Variants in MGARP observed in about 807,000 individuals in gnomAD.
MGARP encodes mitochondria localized glutamic acid rich protein.
MGARP carries 12 observed loss-of-function variants against 11.0 expected under a neutral mutation model. The observed-to-expected ratio is 1.09, with a 90% confidence interval of 0.70 to 1.77. MGARP has a LOEUF of 1.77. MGARP is among the 40% of genes most tolerant of loss of function. MGARP has a pLI of 0.00. For synonymous variants in MGARP, 110 were observed against 115.4 expected (o/e 0.95, Z 0.30); for missense variants, 283 against 297.8 (o/e 0.95, Z 0.36).
intron 2 of MGARP, among the ~76,000 whole-genome samples, chr4:139,270,205 CAGG>C (rs1744756914): frequency 6.7e-6 from 1 of 149,104 alleles, no homozygotes; most frequent in South Asian, 2.1e-4. Flanking sequence ...GAGGCTGAGG[CAGG>C]AGAATCACTT....
At chr4:139,273,543 C>G (rs1744821083) in intron 2 of MGARP, among the ~76,000 whole-genome samples, 1 of 130,186 alleles carries the variant, frequency 7.7e-6, no homozygotes, top group Non-Finnish European at 1.6e-5. Flanking sequence ...GAGACAGAGT[C>G]TGGCTCTCTC....
At chr4:139,268,618 G>A in intron 3 of MGARP, 54 bp downstream of exon 3, 1 of 1,281,002 alleles carries the variant, frequency 7.8e-7, no homozygotes, top group South Asian at 1.4e-5. Context: ...TAAGTGGATG[G>A]AAATTAGTGC....
chr4:139,280,123 C>T lies in MGARP; in HGVS notation c.36G>A (p.Ala12=). The T allele has an allele frequency of 1.2e-6, 2 of 1,611,868 alleles. No homozygotes were observed. Among genetic ancestry groups the T allele is most frequent in the Non-Finnish European group, 1.7e-6 (2 of 1,179,708 alleles). The part of the protein sequence containing the change: ...YLRRAVSKTL[A]LPLRAPPNPA... ...GGTTGGGGGGCGCCCTCAGCGGCAG[C>T]GCCAGAGTCTTGGAGACCGCCCTGC... Residue 12 remains alanine (A), a synonymous_variant, in exon 1 of 4, where the codon GCG becomes GCA. Transcript: ENST00000398955.
Position 139,266,686 on chromosome 4 carries a change from A to T in MGARP, c.636T>A (p.Asn212Lys). 6.2e-7 allele frequency: 1 copy of T among 1,613,992 alleles called. No homozygotes were observed. Among genetic ancestry groups the T allele is most frequent in the African/African-American group, 1.3e-5 (1 of 74,992 alleles). Reference sequence around the variant, plus strand: ...CAGAGGACTCTGACTCAGCTGGAGAATTTTCTTCTTCTAGTTCAGCATATT... The same window carrying T: ...CAGAGGACTCTGACTCAGCTGGAGATTTTTCTTCTTCTAGTTCAGCATATT... ...SDEYAELEEE[N>K]SPAESESSAG... The change falls in exon 4 of 4, where the codon AAT (asparagine) becomes AAA (lysine). Residue 212 changes from asparagine (N) to lysine (K), a missense_variant. Physicochemically the swap from Asn to Lys is moderately conservative, Grantham distance 94. Coordinates refer to ENST00000398955, the MANE Select transcript of MGARP (RefSeq NM_032623.4).
chr4:139,274,890 C>A (rs1251171118), intron 2 of MGARP, among the ~76,000 whole-genome samples: 2 of 152,154 alleles, frequency 1.3e-5, no homozygotes, highest in Admixed American at 6.5e-5. Flanking sequence ...AGGAGTCTGG[C>A]ATATGATAAA....
chr4:139,270,771 C>T (rs543756887), intron 2 of MGARP, among the ~76,000 whole-genome samples: 1 of 152,210 alleles, frequency 6.6e-6, no homozygotes, highest in African/African-American at 2.4e-5. Context: ...TGATAATCAA[C>T]ATTTTCTGTA....
chr4:139,272,939 G>C (rs977250057), intron 2 of MGARP, among the ~76,000 whole-genome samples: 36 of 151,970 alleles, frequency 2.4e-4, no homozygotes, highest in African/African-American at 8.5e-4. Context: ...ACCCACCTTG[G>C]CCTCCCAAAG....
At chr4:139,276,110 A>G (rs955072480) in intron 1 of MGARP, among the ~76,000 whole-genome samples, 1 of 152,238 alleles carries the variant, frequency 6.6e-6, no homozygotes, top group African/African-American at 2.4e-5. Flanking sequence ...TTTTTACAAT[A>G]AACTTAAAGT....
At chr4:139,273,510 CTTTTTTTTTTT>C (rs1000327890) in intron 2 of MGARP, among the ~76,000 whole-genome samples, 5 of 123,644 alleles carry the variant, frequency 4.0e-5, no homozygotes, top group Non-Finnish European at 6.9e-5. Context: ...TACTTTTATT[CTTTTTTTTTTT>C]TTTTTTTTTT....
Position 139,266,961 on chromosome 4 carries a change from C to A in MGARP, c.361G>T (p.Asp121Tyr). 6.2e-7 allele frequency: 1 copy of A among 1,614,228 alleles called. No individual in the cohort carries two copies. Among genetic ancestry groups the A allele is most frequent in the Non-Finnish European group, 8.5e-7 (1 of 1,180,040 alleles). Reference sequence around the variant, plus strand: ...GTAGCACTGGGACTTTCTTCAGCATCTACCACCTCAGCTTCCACTATAAGT... The same window carrying A: ...GTAGCACTGGGACTTTCTTCAGCATATACCACCTCAGCTTCCACTATAAGT... Reference protein sequence around the residue: ...EELIVEAEVVDAEESPSATVV... With the variant: ...EELIVEAEVVYAEESPSATVV... Residue 121 changes from aspartate (D) to tyrosine (Y), a missense_variant, in exon 4 of 4, where the codon GAT (aspartate) becomes TAT (tyrosine). Coordinates refer to ENST00000398955, the MANE Select transcript of MGARP (RefSeq NM_032623.4).
Position 139,266,506 on chromosome 4 carries a change from T to C in MGARP, c.*93A>G, listed in dbSNP as rs1016975233. Reference sequence around the variant, plus strand: ...CCATTAACGTTTTCTAGAAAATAAGTCTTTTTTTTTTTAAACTAAGTGTAC... The same window carrying C: ...CCATTAACGTTTTCTAGAAAATAAGCCTTTTTTTTTTTAAACTAAGTGTAC... On this transcript the variant is annotated 3_prime_UTR_variant, in exon 4 of 4. Coordinates refer to ENST00000398955, the MANE Select transcript of MGARP (RefSeq NM_032623.4). 41 of 1,189,666 alleles carry C rather than the reference T, an allele frequency of 3.4e-5. No individual in the cohort carries two copies. Among genetic ancestry groups the C allele is most frequent in the Admixed American group, 2.0e-4 (7 of 34,948 alleles). 73.7% of individuals were successfully genotyped at this position (1,189,666 alleles called of 1,614,324 possible).
At chr4:139,278,600 T>G (rs184101345) in intron 1 of MGARP, among the ~76,000 whole-genome samples, 40 of 151,876 alleles carry the variant, frequency 2.6e-4, no homozygotes, top group African/African-American at 9.4e-4. Context: ...GTGTGTGTGT[T>G]TGTGTGTGCG....
At chr4:139,271,853 G>T (rs540001373) in intron 2 of MGARP, among the ~76,000 whole-genome samples, 2 of 152,158 alleles carry the variant, frequency 1.3e-5, no homozygotes, top group African/African-American at 2.4e-5. Flanking sequence ...AGAGAACAAG[G>T]CCAGAAAGGG....
chr4:139,278,993 G>A (rs1464073041), intron 1 of MGARP, among the ~76,000 whole-genome samples: 1 of 152,018 alleles, frequency 6.6e-6, no homozygotes, highest in East Asian at 1.9e-4. Context: ...GGAATTCTCC[G>A]CGCACATCTT....
intron 2 of MGARP, 52 bp downstream of exon 2, chr4:139,275,237 T>G: frequency 6.9e-7 from 1 of 1,458,890 alleles, no homozygotes; most frequent in Non-Finnish European, 9.6e-7. Context: ...AGCTTTACCA[T>G]GAGTTGTAAA....
chr4:139,277,988 G>A (rs1744897182), intron 1 of MGARP, among the ~76,000 whole-genome samples: 1 of 152,148 alleles, frequency 6.6e-6, no homozygotes, highest in Admixed American at 6.5e-5. Flanking sequence ...AGCACTTTGG[G>A]AGGCCGAGGT....
intron 2 of MGARP, among the ~76,000 whole-genome samples, chr4:139,274,933 A>G (rs1468110504): frequency 6.6e-6 from 1 of 152,252 alleles, no homozygotes; most frequent in African/African-American, 2.4e-5. Context: ...ATTAGCATTT[A>G]TAATAAAATT....
At chr4:139,273,524 T>A (rs894681309) in intron 2 of MGARP, among the ~76,000 whole-genome samples, 1 of 148,556 alleles carries the variant, frequency 6.7e-6, no homozygotes, top group African/African-American at 2.5e-5. Flanking sequence ...TTTTTTTTTT[T>A]TTTTTTTTGA....
intron 2 of MGARP, among the ~76,000 whole-genome samples, 175 bp downstream of exon 2, chr4:139,275,114 G>T (rs149656731): frequency 1.3e-5 from 2 of 152,240 alleles, no homozygotes; most frequent in Non-Finnish European, 2.9e-5. Flanking sequence ...TGAAAACCCT[G>T]TATTTCTAAT....
Sources: gnomAD v4.1 joint callset for allele counts (sites outside exome capture counted in the v4.1 genomes callset) on GRCh38, gnomAD v4.1.1 for gene constraint, MANE v1.5 for transcripts, NCBI Gene and HGNC (gene_info 2026-07-23, HGNC 2026-07-21) for gene names.